The following LLGL2 variants were observed in gnomAD, a reference collection of about 807,000 sequenced individuals.
LLGL2 encodes the protein LLGL2, scribble cell polarity complex component.
LLGL2 carries 81 observed loss-of-function variants against 123.2 expected under a neutral mutation model. The observed-to-expected ratio is 0.66, with a 90% CI of 0.55 to 0.79. LLGL2 has a LOEUF of 0.79. LLGL2 is among the 30% of genes least tolerant of loss of function. The probability of loss-of-function intolerance (pLI) is 0.00; values close to 1 mark genes in which losing one functional copy is unlikely to be tolerated. For missense variants in LLGL2, 1,273 were observed against 1,414.6 expected (o/e 0.90, Z 1.61); for synonymous variants, 577 against 594.1 (o/e 0.97, Z 0.42).
chr17:75,571,947 G>T lies in LLGL2; in HGVS notation c.2343G>T (p.Val781=). The part of the protein sequence containing the change: ...MHRAPVVGIL[V]LDGHSVPLPE... ...GGGCGCCGGTGGTGGGCATCCTGGT[G>T]CTCGACGGACACAGCGTACCCCTTC... Residue 781 remains valine (V), a synonymous_variant, in exon 19 of 26, where the codon GTG becomes GTT. Transcript: ENST00000392550. The T allele has an allele frequency of 6.2e-7, 1 of 1,612,680 alleles. No individual in the cohort carries two copies. Among genetic ancestry groups the T allele is most frequent in the Admixed American group, 1.7e-5 (1 of 60,012 alleles).
chr17:75,540,503 C>CAAAA (rs2054166197), intron 1 of LLGL2, among the ~76,000 whole-genome samples: 1 of 152,240 alleles, frequency 6.6e-6, no homozygotes, highest in African/African-American at 2.4e-5. Flanking sequence ...CAGCCCTGCC[C>CAAAA]AGCCAGACCT....
intron 10 of LLGL2, chr17:75,567,978 A>T: frequency 1.3e-6 from 1 of 749,552 alleles, no homozygotes; most frequent in Non-Finnish European, 1.6e-6. Context: ...CAAATGGTTT[A>T]ATCATCCAGC....
In LLGL2 at chr17:75,525,924, G is replaced by A. The variant is rs2053548004; in HGVS notation, c.-31+99G>A. 2.6e-5 allele frequency: 4 copies of A among 152,084 alleles called. No homozygotes were observed. Among genetic ancestry groups the A allele is most frequent in the Admixed American group, 2.6e-4 (4 of 15,276 alleles). 9.4% of individuals were successfully genotyped at this position (152,084 alleles called of 1,614,324 possible). On this transcript the variant is annotated intron_variant, in intron 1 of 25. Transcript: ENST00000392550. The surrounding 1 kb of genome is among the most constrained non-coding windows in gnomAD (Gnocchi z 4.8). ...AGGCCCAGGACCCCTGGGCTGTCGG[G>A]CCAGGGCGGGAGGGCTGCGCCCAGG...
In LLGL2 at chr17:75,559,962, CA is replaced by C. The variant is rs1216689836; in HGVS notation, c.530+559del. 2.0e-5 allele frequency among the ~76,000 whole-genome samples: 3 copies of C among 151,822 alleles called. No homozygotes were observed. The East Asian group carries it at 5.8e-4, about 29-fold the overall frequency. ...CCGGGTGGGAGAAGGGGACGGGGCCCAAAAAAAGAGAGGAGATAGCATCTGA... is the reference window on the plus strand; with the variant it reads ...CCGGGTGGGAGAAGGGGACGGGGCCCAAAAAAGAGAGGAGATAGCATCTGA... On this transcript the variant is annotated intron_variant, in intron 6 of 25. Coordinates refer to ENST00000392550, the MANE Select transcript of LLGL2 (RefSeq NM_001031803.2). This position sits in a 1 kb window ranked among gnomAD's most constrained non-coding sequence, Gnocchi z 4.6.
rs773274254 is a variant in LLGL2, at chr17:75,571,885, C to T, written c.2294-13C>T. 13 of 1,611,146 alleles carry T rather than the reference C, an allele frequency of 8.1e-6. No homozygotes were observed. The South Asian group carries it at 1.2e-4, about 15-fold the overall frequency. ...CCCCCTCACCAGCCCCAACACCCAC[C>T]TCCTCCCCCTAGCCAAGGAGATCCA... On this transcript the variant is annotated splice_polypyrimidine_tract_variant and intron_variant, in intron 18 of 25. Transcript: ENST00000392550.
chr17:75,536,890 C>A (rs2054022146), intron 1 of LLGL2, among the ~76,000 whole-genome samples: 1 of 152,084 alleles, frequency 6.6e-6, no homozygotes, highest in Non-Finnish European at 1.5e-5. Flanking sequence ...TGCAGTGGCG[C>A]TATCTGGGCT....
In LLGL2 at chr17:75,559,447, C is replaced by T. The variant is rs1424326962; in HGVS notation, c.530+37C>T. On this transcript the variant is annotated intron_variant, in intron 6 of 25. Coordinates refer to ENST00000392550, the MANE Select transcript of LLGL2 (RefSeq NM_001031803.2). This position sits in a 1 kb window ranked among gnomAD's most constrained non-coding sequence, Gnocchi z 4.6. ...GCCCAGCTGCTGTTAACTCCATCCCCTCAAGTTAGGCATGGCTTCTCCCCT... is the reference window on the plus strand; with the variant it reads ...GCCCAGCTGCTGTTAACTCCATCCCTTCAAGTTAGGCATGGCTTCTCCCCT... The T allele has an allele frequency of 1.3e-6, 2 of 1,562,800 alleles. No homozygotes were observed. The highest frequency in any genetic ancestry group is 1.2e-5 in the South Asian group (1 of 84,490).
In LLGL2 at chr17:75,571,690, TG is replaced by T; in HGVS notation, c.2203del (p.Ala735LeufsTer36). 6.2e-7 allele frequency: 1 copy of T among 1,609,402 alleles called. No homozygotes were observed. ...KDSSRHCPSL[W>X]AGTNGGTIYA... ...AGGCTCCCGGCACTGCCCCTCGCTG[TG>T]GGCTGGCACCAATGGGGGCACCATC... On this transcript the variant is annotated frameshift_variant, in exon 18 of 26. Transcript: ENST00000392550. LOFTEE classifies it high-confidence loss of function.
upstream of LLGL2, among the ~76,000 whole-genome samples, chr17:75,525,330 C>T (rs1232897344): frequency 6.6e-6 from 1 of 152,114 alleles, no homozygotes; most frequent in East Asian, 1.9e-4. This position sits in a 1 kb window ranked among gnomAD's most constrained non-coding sequence, Gnocchi z 4.8. Flanking sequence ...CCCGGATCCG[C>T]CCCTCCCTCG....
Position 75,564,679 on chromosome 17 carries a change from G to A in LLGL2, c.1036+172G>A, listed in dbSNP as rs556185931. On this transcript the variant is annotated intron_variant, in intron 10 of 25. Transcript: ENST00000392550. This position sits in a 1 kb window ranked among gnomAD's most constrained non-coding sequence, Gnocchi z 4.9. ...GGAGTTCAAGTCCAGCCTGGACAAC[G>A]TAGGGAGACCCTTGTCTCTACAAAA... 43 of 1,085,662 alleles carry A rather than the reference G, an allele frequency of 4.0e-5. No homozygotes were observed. The Admixed American group carries it at 8.2e-4, about 21-fold the overall frequency. 67.3% of individuals were successfully genotyped at this position (1,085,662 alleles called of 1,614,324 possible).
rs1344285431 is a variant in LLGL2, at chr17:75,558,274, G to C, written c.255+38G>C. On this transcript the variant is annotated intron_variant, in intron 4 of 25. Coordinates refer to ENST00000392550, the MANE Select transcript of LLGL2 (RefSeq NM_001031803.2). This position sits in a 1 kb window ranked among gnomAD's most constrained non-coding sequence, Gnocchi z 4.0. ...GGGTGGGACAGGAAGCCACTTCCATGCCCTCCTTGCCTTCACTGCTTCCAG... is the reference window on the plus strand; with the variant it reads ...GGGTGGGACAGGAAGCCACTTCCATCCCCTCCTTGCCTTCACTGCTTCCAG... The C allele has an allele frequency of 1.5e-5, 24 of 1,564,818 alleles. No homozygotes were observed. Among genetic ancestry groups the C allele is most frequent in the Non-Finnish European group, 1.8e-5 (21 of 1,141,314 alleles).
intron 1 of LLGL2, among the ~76,000 whole-genome samples, chr17:75,533,425 C>A (rs2053885731): frequency 1.3e-5 from 2 of 151,210 alleles, no homozygotes; most frequent in African/African-American, 4.9e-5. Context: ...CTGCCTCAGC[C>A]TCCTGAGTAG....
In LLGL2 at chr17:75,573,540, G is replaced by T. The variant is rs1448396738; in HGVS notation, c.2785G>T (p.Val929Leu). 3 of 1,612,806 alleles carry T rather than the reference G, an allele frequency of 1.9e-6. No individual in the cohort carries two copies. The African/African-American group carries it at 4.0e-5, about 22-fold the overall frequency. The change falls in exon 21 of 26, where the codon GTG becomes TTG. Residue 929 changes from valine (V) to leucine (L), a missense_variant. Coordinates refer to ENST00000392550, the MANE Select transcript of LLGL2 (RefSeq NM_001031803.2). ...CTTCTCTCTCTCCACCAAGTGGCTG[G>T]TGGAGCCCCGGTGTCTGGTGGATTC... is the stretch of plus-strand genomic sequence containing the variant. ...ERFSLSTKWL[V>L]EPRCLVDSAE...
chr17:75,547,824 CAA>C lies in LLGL2; in HGVS notation c.75+4336_75+4337del, dbSNP rs34638571. ...TGGGTGACAGAGTGAGACCCTGTCTCAAAAAAAAAAAAAATGAGGACTGGGGT... is the reference window on the plus strand; with the variant it reads ...TGGGTGACAGAGTGAGACCCTGTCTCAAAAAAAAAAAATGAGGACTGGGGT... On this transcript the variant is annotated intron_variant, in intron 2 of 25. Transcript: ENST00000392550. 1.4e-3 allele frequency among the ~76,000 whole-genome samples: 190 copies of C among 139,576 alleles called. 1 individual carries two copies. The highest frequency in any genetic ancestry group is 3.9e-3 in the Middle Eastern group (1 of 254). The allele number at this position is 139,576 out of a possible 152,430, so 91.6% of individuals were successfully genotyped here.
intron 3 of LLGL2, among the ~76,000 whole-genome samples, chr17:75,557,041 T>TA (rs1247637875): frequency 2.0e-5 from 1 of 49,392 alleles, no homozygotes; most frequent in East Asian, 7.1e-4. Context: ...AAACTTTTTT[T>TA]TTTTTTTTTT....
intron 19 of LLGL2, among the ~76,000 whole-genome samples, chr17:75,572,360 C>CAA (rs5822091): frequency 5.3e-4 from 79 of 148,684 alleles, no homozygotes; most frequent in African/African-American, 2.0e-3. Flanking sequence ...ACTAAAAATA[C>CAA]AAAAAAAAAT....
intron 23 of LLGL2, 28 bp from the exon 24 acceptor site, chr17:75,574,415 AGGGCCTCAGT>A: frequency 6.5e-7 from 1 of 1,547,510 alleles, no homozygotes; most frequent in Non-Finnish European, 8.7e-7. Flanking sequence ...AGCCGCCCCA[AGGGCCTCAGT>A]GGGCCTCTGT....
Position 75,564,472 on chromosome 17 carries a change from G to A in LLGL2, c.1001G>A (p.Gly334Asp), listed in dbSNP as rs969713987. ...TTCGACTTCACCTCCCGTGTCATCGGCTTCACTGTCCTCACAGAGGCAGAC... is the reference window on the plus strand; with the variant it reads ...TTCGACTTCACCTCCCGTGTCATCGACTTCACTGTCCTCACAGAGGCAGAC... Reference protein sequence around the residue: ...TAFDFTSRVIGFTVLTEADPA... With the variant: ...TAFDFTSRVIDFTVLTEADPA... The change falls in exon 10 of 26, where the codon GGC becomes GAC. Residue 334 changes from glycine to aspartate, a missense_variant. Gly to Asp is a moderately conservative substitution (Grantham distance 94). Coordinates refer to ENST00000392550, the MANE Select transcript of LLGL2 (RefSeq NM_001031803.2). The surrounding 1 kb of genome is among the most constrained non-coding windows in gnomAD (Gnocchi z 4.9). 4.3e-6 allele frequency: 7 copies of A among 1,613,316 alleles called. No individual in the cohort carries two copies. Among genetic ancestry groups the A allele is most frequent in the Non-Finnish European group, 5.9e-6 (7 of 1,180,006 alleles).
At chr17:75,526,224 C>T (rs1285965829) in intron 1 of LLGL2, among the ~76,000 whole-genome samples, 1 of 151,912 alleles carries the variant, frequency 6.6e-6, no homozygotes, top group African/African-American at 2.4e-5. Context: ...CCCCTCCCCA[C>T]GGGCGGCGGC....
Sources: allele counts gnomAD v4.1 joint callset (sites outside exome capture counted in the v4.1 genomes callset), GRCh38; gene constraint gnomAD v4.1.1; non-coding constraint Gnocchi (gnomAD v3.1); transcripts MANE v1.5; gene names NCBI Gene and HGNC (gene_info 2026-07-23, HGNC 2026-07-21).